ZNF573: variants seen among roughly 807,000 people sequenced by gnomAD.
ZNF573 encodes zinc finger protein 573.
A neutral mutation model predicts 57.4 loss-of-function variants in ZNF573; 41 were observed. The observed-to-expected ratio is 0.71, with a 90% CI of 0.56 to 0.93. The LOEUF is 0.93. ZNF573 is among the 40% of genes least tolerant of loss of function. The pLI is 0.00. For synonymous variants in ZNF573, 249 were observed against 261.0 expected (o/e 0.95, Z 0.44); for missense variants, 730 against 794.8 (o/e 0.92, Z 0.98).
chr19:37,764,761 G>A (rs1259206628), intron 4 of ZNF573, among the ~76,000 whole-genome samples: 2 of 150,300 alleles, frequency 1.3e-5, no homozygotes, highest in Non-Finnish European at 3.0e-5. Context: ...CCGCCACCAC[G>A]CCCGACAAAC....
At chr19:37,769,673 C>T (rs561546713) in intron 4 of ZNF573, among the ~76,000 whole-genome samples, 2 of 131,194 alleles carry the variant, frequency 1.5e-5, no homozygotes, top group African/African-American at 5.8e-5. Context: ...TTGCAATAAG[C>T]GGAGATCAAG....
chr19:37,775,367 A>G (rs2045698458), intron 1 of ZNF573, among the ~76,000 whole-genome samples: 1 of 152,072 alleles, frequency 6.6e-6, no homozygotes, highest in Non-Finnish European at 1.5e-5. Context: ...TAGACAGTAA[A>G]AGCTTACAGA....
intron 4 of ZNF573, among the ~76,000 whole-genome samples, chr19:37,750,548 T>A (rs1329060469): frequency 2.0e-5 from 3 of 152,074 alleles, no homozygotes; most frequent in Admixed American, 1.3e-4. Context: ...GTACTAGAAT[T>A]CAACATAGTA....
In ZNF573 at chr19:37,739,536, A is replaced by T. The variant is rs541394879; in HGVS notation, c.954T>A (p.Thr318=). 3.3e-5 allele frequency: 53 copies of T among 1,612,838 alleles called. No individual in the cohort carries two copies. In the East Asian group the frequency reaches 1.1e-3, roughly 34 times the overall value. The change falls in exon 5 of 5, where the codon ACT becomes ACA. Residue 318 remains threonine, a synonymous_variant. Transcript: ENST00000536220. The part of the protein sequence containing the change: ...GKAFRRGHQL[T]VHQRVHTGKK... ...TACCAGTGTGAACTCTCTGATGTACAGTAAGCTGGTGACCTCTTCTAAAGG... is the reference window on the plus strand; with the variant it reads ...TACCAGTGTGAACTCTCTGATGTACTGTAAGCTGGTGACCTCTTCTAAAGG...
At chr19:37,743,434 A>G (rs1220956226) in intron 4 of ZNF573, among the ~76,000 whole-genome samples, 1 of 152,184 alleles carries the variant, frequency 6.6e-6, no homozygotes, top group Non-Finnish European at 1.5e-5. Context: ...CAAAACCACA[A>G]TGAGATACCA....
intron 4 of ZNF573, among the ~76,000 whole-genome samples, chr19:37,753,549 G>A (rs1366776781): frequency 6.6e-6 from 1 of 151,826 alleles, no homozygotes; most frequent in African/African-American, 2.4e-5. Flanking sequence ...GAAATATATG[G>A]TATTCAAAAT....
chr19:37,763,580 C>CA (rs1217404781), intron 4 of ZNF573, among the ~76,000 whole-genome samples: 21 of 149,954 alleles, frequency 1.4e-4, no homozygotes, highest in African/African-American at 5.2e-4. Context: ...CAAAACAAAA[C>CA]AAAAAAAACA....
chr19:37,771,782 T>A (rs2045661788), intron 2 of ZNF573, 86 bp from the exon 3 acceptor site: 3 of 1,388,484 alleles, frequency 2.2e-6, no homozygotes, highest in Non-Finnish European at 2.9e-6. Context: ...AGAAAAGGAG[T>A]GATATAGTAT....
chr19:37,744,909 G>A (rs999230669), intron 4 of ZNF573, among the ~76,000 whole-genome samples: 3 of 151,510 alleles, frequency 2.0e-5, no homozygotes, highest in African/African-American at 7.3e-5. Flanking sequence ...AGCCTCCCGA[G>A]TAGCTGGGAC....
chr19:37,744,104 CTGTT>C (rs1204095856), intron 4 of ZNF573, among the ~76,000 whole-genome samples: 1 of 151,058 alleles, frequency 6.6e-6, no homozygotes, highest in Non-Finnish European at 1.5e-5. Context: ...TCCATGTATC[CTGTT>C]TTTTTTTTAG....
chr19:37,742,919 C>T (rs2045340240), intron 4 of ZNF573, among the ~76,000 whole-genome samples: 1 of 152,148 alleles, frequency 6.6e-6, no homozygotes, highest in African/African-American at 2.4e-5. Context: ...ACCTACCCAT[C>T]TGACAAAGGT....
intron 2 of ZNF573, among the ~76,000 whole-genome samples, chr19:37,772,783 G>C (rs888146819): frequency 6.6e-6 from 1 of 151,948 alleles, no homozygotes; most frequent in African/African-American, 2.4e-5. Context: ...ACAGGGGCAA[G>C]TCACCATGCC....
At chr19:37,755,810 AAAC>A (rs557306852) in intron 4 of ZNF573, among the ~76,000 whole-genome samples, 69 of 148,004 alleles carry the variant, frequency 4.7e-4, no homozygotes, top group African/African-American at 1.5e-3. Context: ...GAAAAATATA[AAAC>A]AACTGCAAAA....
intron 4 of ZNF573, among the ~76,000 whole-genome samples, chr19:37,745,796 G>C (rs923717327): frequency 1.1e-4 from 17 of 152,018 alleles, no homozygotes; most frequent in Admixed American, 8.5e-4. Flanking sequence ...TCTTTATAAG[G>C]GTTATAAATA....
chr19:37,750,556 G>C (rs1393531814), intron 4 of ZNF573, among the ~76,000 whole-genome samples: 6 of 151,956 alleles, frequency 3.9e-5, no homozygotes, highest in Admixed American at 3.9e-4. Flanking sequence ...ATTCAACATA[G>C]TACAGAATAA....
chr19:37,761,100 T>A (rs1029946459), intron 4 of ZNF573, among the ~76,000 whole-genome samples: 6 of 150,426 alleles, frequency 4.0e-5, no homozygotes, highest in African/African-American at 1.5e-4. Context: ...GCGCCTGTAA[T>A]CCCAGCCTGA....
chr19:37,738,422 T>C lies in ZNF573; in HGVS notation c.*70A>G, dbSNP rs2045281403. 4.1e-6 allele frequency: 6 copies of C among 1,454,720 alleles called. No individual in the cohort carries two copies. Among genetic ancestry groups the C allele is most frequent in the Middle Eastern group, 3.7e-4 (2 of 5,412 alleles). 90.1% of individuals were successfully genotyped at this position (1,454,720 alleles called of 1,614,324 possible). ...ATTGCTAAAGCCATACCTATAAGAC[T>C]AACATTCCATCATTTCTCACCAGTG... On this transcript the variant is annotated 3_prime_UTR_variant, in exon 5 of 5. Coordinates refer to ENST00000536220, the MANE Select transcript of ZNF573 (RefSeq NM_001172690.2).
chr19:37,753,060 G>C (rs1324458184), intron 4 of ZNF573, among the ~76,000 whole-genome samples: 1 of 152,060 alleles, frequency 6.6e-6, no homozygotes, highest in African/African-American at 2.4e-5. Context: ...TTCAAGATCA[G>C]CTTGTGCCAA....
rs1417989682 is a variant in ZNF573 at position 37,739,047 on chromosome 19, A to G, written c.1443T>C (p.Thr481=). 6.2e-7 allele frequency: 1 copy of G among 1,613,218 alleles called. No individual in the cohort carries two copies. Among genetic ancestry groups the G allele is most frequent in the South Asian group, 1.1e-5 (1 of 90,830 alleles). The change falls in exon 5 of 5, where the codon ACT becomes ACC. Residue 481 remains threonine, a synonymous_variant. Transcript: ENST00000536220. ...TCCGATGTTGAATAAGGTTTGAGCC[A>G]GTACTATAGGCCTTCCCACATTCCT... is the stretch of plus-strand genomic sequence containing the variant. ...ECQECGKAYS[T]GSNLIQHRKT...
Sources: gnomAD v4.1 joint callset for allele counts (sites outside exome capture counted in the v4.1 genomes callset) on GRCh38, gnomAD v4.1.1 for gene constraint, MANE v1.5 for transcripts, NCBI Gene and HGNC (gene_info 2026-07-23, HGNC 2026-07-21) for gene names.